The following RAD17 variants were observed in gnomAD, a reference collection of about 807,000 sequenced individuals.
RAD17 encodes the protein RAD17 checkpoint clamp loader component.
A neutral mutation model predicts 81.5 loss-of-function variants in RAD17; 31 were observed. The observed-to-expected ratio is 0.38, with a 90% CI of 0.29 to 0.51. The LOEUF is 0.51. RAD17 is among the 20% of genes least tolerant of loss of function. The pLI is 0.88. For synonymous variants in RAD17, 261 were observed against 266.2 expected (o/e 0.98, Z 0.19); for missense variants, 681 against 781.2 (o/e 0.87, Z 1.53).
At chr5:69,396,817 CATTTT>C (rs900180300) in intron 16 of RAD17, among the ~76,000 whole-genome samples, 7 of 151,962 alleles carry the variant, frequency 4.6e-5, no homozygotes, top group African/African-American at 9.7e-5. Context: ...AGCGTAGTTA[CATTTT>C]ATTTTATTTT....
At chr5:69,395,698 A>T (rs547630464) in intron 15 of RAD17, among the ~76,000 whole-genome samples, 109 of 151,528 alleles carry the variant, frequency 7.2e-4, no homozygotes, top group African/African-American at 2.1e-3. Flanking sequence ...ATTAAAAATT[A>T]AAAAAAAATG....
At chr5:69,412,000 A>G (rs1273688527) in intron 18 of RAD17, among the ~76,000 whole-genome samples, 2 of 151,982 alleles carry the variant, frequency 1.3e-5, no homozygotes, top group East Asian at 1.9e-4. Flanking sequence ...TTTATCGCCC[A>G]GGCTGGAGTG....
At chr5:69,383,323 A>G (rs1763969365) in intron 7 of RAD17, among the ~76,000 whole-genome samples, 2 of 151,952 alleles carry the variant, frequency 1.3e-5, no homozygotes, top group African/African-American at 4.8e-5. Flanking sequence ...CCCTTGTGCT[A>G]CTAGTATCCC....
At chr5:69,408,274 TTTA>T (rs201432480) in intron 17 of RAD17, among the ~76,000 whole-genome samples, 2,444 of 151,998 alleles carry the variant, frequency 0.016, 22 homozygotes, top group Non-Finnish European at 0.021. Flanking sequence ...GGGGCTTGTT[TTTA>T]TTGTTGTGTG....
chr5:69,384,864 G>T lies in RAD17; in HGVS notation c.576G>T (p.Ala192=), dbSNP rs549004632. 6 of 1,612,432 alleles carry T rather than the reference G, an allele frequency of 3.7e-6. No homozygotes were observed. Among genetic ancestry groups the T allele is most frequent in the South Asian group, 1.1e-5 (1 of 91,006 alleles). The change falls in exon 8 of 19, where the codon GCG becomes GCT. Residue 192 remains alanine, a synonymous_variant. Coordinates refer to ENST00000354868, the MANE Select transcript of RAD17 (RefSeq NM_133338.3). ...IAVFKEFLLR[A]TKYNKLQMLG... is the part of the protein sequence containing the mutation. ...TTTTCAAAGAGTTTCTACTAAGAGC[G>T]ACAAAGTATAACAAGTTACAAATGC...
Position 69,400,531 on chromosome 5 carries a change from T to C in RAD17, c.1693+362T>C, listed in dbSNP as rs533808674. On this transcript the variant is annotated intron_variant, in intron 17 of 18. Coordinates refer to ENST00000354868, the MANE Select transcript of RAD17 (RefSeq NM_133338.3). ...GCACACGGCCAGAAGTAGGGTTTTA[T>C]AGCAATATCTTTTTGTGGGCCAATT... Among the ~76,000 whole-genome samples, 5 of 152,226 alleles carry C rather than the reference T, an allele frequency of 3.3e-5. No individual in the cohort carries two copies. The East Asian group carries it at 9.7e-4, about 29-fold the overall frequency.
intron 17 of RAD17, among the ~76,000 whole-genome samples, chr5:69,406,007 A>T (rs918063405): frequency 4.7e-5 from 7 of 149,420 alleles, no homozygotes; most frequent in Non-Finnish European, 1.5e-5. Context: ...GTGTTGCTGC[A>T]CTCCAGCCTA....
intron 6 of RAD17, among the ~76,000 whole-genome samples, chr5:69,379,860 C>A (rs1763737173): frequency 6.6e-6 from 1 of 151,888 alleles, no homozygotes; most frequent in South Asian, 2.1e-4. Flanking sequence ...GAAGGACTTG[C>A]CTGAGGCTGT....
At chr5:69,377,445 A>ATATATATATATATG (rs1267614597) in intron 6 of RAD17, among the ~76,000 whole-genome samples, 201 of 8,478 alleles carry the variant, frequency 0.024, 14 homozygotes, top group South Asian at 0.079. Flanking sequence ...GTGTGTATAT[A>ATATATATATATATG]TATATATATA....
Position 69,396,419 on chromosome 5 carries a change from A to G in RAD17, c.1445A>G (p.Tyr482Cys). 6.2e-7 allele frequency: 1 copy of G among 1,612,684 alleles called. No individual in the cohort carries two copies. The highest frequency in any genetic ancestry group is 8.5e-7 in the Non-Finnish European group (1 of 1,179,080). Residue 482 changes from tyrosine (Y) to cysteine (C), a missense_variant, in exon 16 of 19, where the codon TAT (tyrosine) becomes TGT (cysteine). Coordinates refer to ENST00000354868, the MANE Select transcript of RAD17 (RefSeq NM_133338.3). ...DWNTRSLLRE[Y>C]STSIATRGVM... ...TAGACACGCTCTTTACTCAGGGAAT[A>G]TAGCACATCTATAGCTACGAGAGGT...
chr5:69,385,241 T>A (rs1764129497), intron 8 of RAD17, among the ~76,000 whole-genome samples: 1 of 149,850 alleles, frequency 6.7e-6, no homozygotes, highest in South Asian at 2.1e-4. Flanking sequence ...ATTACAGGCG[T>A]GAGCCACCAT....
intron 17 of RAD17, among the ~76,000 whole-genome samples, chr5:69,409,868 T>C (rs1185169642): frequency 6.6e-6 from 1 of 152,162 alleles, no homozygotes; most frequent in Non-Finnish European, 1.5e-5. Flanking sequence ...CCATTCTACT[T>C]TCTGTCTCTA....
upstream of RAD17, chr5:69,369,756 A>G (rs1236920341): frequency 1.3e-6 from 2 of 1,491,620 alleles, no homozygotes; most frequent in Non-Finnish European, 9.1e-7. Context: ...TAAGTCACAC[A>G]CTCCTTCGGT....
chr5:69,377,312 A>G (rs1763397855), intron 6 of RAD17, among the ~76,000 whole-genome samples: 1 of 149,840 alleles, frequency 6.7e-6, no homozygotes, highest in Non-Finnish European at 1.5e-5. Context: ...TTCAGTGTCC[A>G]TTGTGTTTTC....
Position 69,372,113 on chromosome 5 carries a change from GT to G in RAD17, c.-92del, listed in dbSNP as rs1763044262. The G allele has an allele frequency of 1.4e-6, 2 of 1,480,894 alleles. No individual in the cohort carries two copies. Among genetic ancestry groups the G allele is most frequent in the Admixed American group, 4.3e-5 (2 of 46,270 alleles). 91.7% of individuals were successfully genotyped at this position (1,480,894 alleles called of 1,614,324 possible). On this transcript the variant is annotated 5_prime_UTR_variant, in exon 4 of 19. An upstream open reading frame in the 5' UTR gains an earlier in-frame stop. Transcript: ENST00000354868. ...TTGCAAATCAGAATTGCTGTCGAAA[GT>G]TTTACTATAATGAAAGATATTTTCA...
At chr5:69,405,558 T>C (rs1210663005) in intron 17 of RAD17, among the ~76,000 whole-genome samples, 1 of 151,764 alleles carries the variant, frequency 6.6e-6, no homozygotes, top group Non-Finnish European at 1.5e-5. Context: ...TCCCAGCTAC[T>C]TGGGAGGCCG....
At chr5:69,374,152 A>G (rs2150768369) in intron 5 of RAD17, 65 bp downstream of exon 5, 2 of 1,322,946 alleles carry the variant, frequency 1.5e-6, no homozygotes, top group Non-Finnish European at 2.1e-6. Flanking sequence ...GTAGATGGGA[A>G]GCAGAGGGAT....
At chr5:69,405,040 A>T (rs1765502929) in intron 17 of RAD17, among the ~76,000 whole-genome samples, 1 of 152,218 alleles carries the variant, frequency 6.6e-6, no homozygotes, top group East Asian at 1.9e-4. Flanking sequence ...GATCAGGGAA[A>T]CACACTTAAA....
chr5:69,399,486 C>A (rs1189972295), intron 16 of RAD17, among the ~76,000 whole-genome samples: 1 of 152,108 alleles, frequency 6.6e-6, no homozygotes, highest in Admixed American at 6.6e-5. Flanking sequence ...CTGAAAATTA[C>A]CCTATAATTT....
Sources: gnomAD v4.1 joint callset for allele counts (sites outside exome capture counted in the v4.1 genomes callset) on GRCh38, gnomAD v4.1.1 for gene constraint, MANE v1.5 for transcripts, NCBI Gene and HGNC (gene_info 2026-07-23, HGNC 2026-07-21) for gene names.